The following EFHC2 variants were observed in gnomAD, a reference collection of about 807,000 sequenced individuals.
The protein encoded by EFHC2 is EF-hand domain-containing family member C2.
In EFHC2, 18 loss-of-function variants were observed where a neutral mutation model predicts 52.7. That is an observed-to-expected ratio of 0.34 (90% CI 0.24 to 0.51). The LOEUF (loss-of-function observed/expected upper bound fraction) is 0.51. Ranked by LOEUF, EFHC2 falls within the 20% of genes least tolerant of loss-of-function variation. EFHC2 has a pLI of 0.97. For synonymous variants in EFHC2, 203 were observed against 204.1 expected (o/e 0.99, Z 0.04); for missense variants, 513 against 562.5 (o/e 0.91, Z 0.89).
At chrX:44,273,342 AC>A (rs1224208782) in intron 2 of EFHC2, among the ~76,000 whole-genome samples, 1 of 104,700 alleles carries the variant, frequency 9.6e-6, no homozygotes, top group Non-Finnish European at 1.9e-5. Flanking sequence ...TGGAGACCCC[AC>A]CTTACACTTC....
At chrX:44,303,240 G>A (rs1235899958) in intron 2 of EFHC2, among the ~76,000 whole-genome samples, 3 of 111,145 alleles carry the variant, frequency 2.7e-5, no homozygotes, top group Non-Finnish European at 5.7e-5. Context: ...CTCTGTGACC[G>A]TGACGGATCA....
intron 7 of EFHC2, among the ~76,000 whole-genome samples, chrX:44,244,662 T>C (rs1029225761): frequency 8.0e-5 from 9 of 111,920 alleles, no homozygotes; most frequent in African/African-American, 2.9e-4. Context: ...TTAATGCTTC[T>C]TCGTGGTGAT....
chrX:44,203,015 A>G (rs1301154477), intron 11 of EFHC2, among the ~76,000 whole-genome samples: 2 of 111,407 alleles, frequency 1.8e-5, no homozygotes, highest in Non-Finnish European at 3.8e-5. Flanking sequence ...CCAGGGCCCC[A>G]TGAGCATGCA....
chrX:44,231,640 T>C (rs2037278355), intron 10 of EFHC2, among the ~76,000 whole-genome samples: 2 of 111,428 alleles, frequency 1.8e-5, no homozygotes, highest in African/African-American at 6.5e-5. Flanking sequence ...ATATGAATGA[T>C]GTGATGTACA....
chrX:44,168,139 G>A (rs2036711706), intron 13 of EFHC2, among the ~76,000 whole-genome samples: 1 of 111,352 alleles, frequency 9.0e-6, no homozygotes, highest in Admixed American at 9.5e-5. Flanking sequence ...AGTCGATTTG[G>A]CCCACAAAAT....
intron 13 of EFHC2, among the ~76,000 whole-genome samples, chrX:44,168,437 CAGG>C: frequency 9.1e-6 from 1 of 109,969 alleles, no homozygotes; most frequent in Non-Finnish European, 1.9e-5. Flanking sequence ...GAGGCTGAGG[CAGG>C]AGAATGGCGT....
intron 11 of EFHC2, among the ~76,000 whole-genome samples, chrX:44,195,314 T>C (rs2036955841): frequency 8.9e-6 from 1 of 111,817 alleles, no homozygotes; most frequent in African/African-American, 3.2e-5. Flanking sequence ...TGAAGGAGAA[T>C]GACAGACATA....
chrX:44,250,407 G>A lies in EFHC2; in HGVS notation c.645C>T (p.Ser215=), dbSNP rs768681960. 1.7e-6 allele frequency: 2 copies of A among 1,208,748 alleles called. No homozygotes were observed. Among genetic ancestry groups the A allele is most frequent in the Middle Eastern group, 2.3e-4 (1 of 4,337 alleles). The part of the protein sequence containing the change: ...EHVEPLRPYE[S]LDTLKQFLQY... The stretch of plus-strand genomic sequence containing the variant: ...GGAGGAACTGTTTCAGGGTGTCGAG[G>A]GATTCGTAGGGACGTAAGGGCTCTA... Residue 215 remains serine (S), a synonymous_variant, in exon 5 of 15, where the codon TCC becomes TCT. Transcript: ENST00000420999.
At chrX:44,231,989 C>T (rs2037281785) in intron 10 of EFHC2, among the ~76,000 whole-genome samples, 1 of 111,578 alleles carries the variant, frequency 9.0e-6, no homozygotes, top group Non-Finnish European at 1.9e-5. Flanking sequence ...ATCCTTAAAT[C>T]CTTATTTAGG....
At chrX:44,161,264 T>G (rs1012146102) in intron 14 of EFHC2, among the ~76,000 whole-genome samples, 1 of 111,752 alleles carries the variant, frequency 8.9e-6, no homozygotes, top group African/African-American at 3.3e-5. Context: ...ATACAAACTG[T>G]GGAAATCGAG....
At chrX:44,303,593 T>A (rs1037720587) in intron 2 of EFHC2, among the ~76,000 whole-genome samples, 1 of 109,226 alleles carries the variant, frequency 9.2e-6, no homozygotes, top group Non-Finnish European at 1.9e-5. Flanking sequence ...GTATGTTTTT[T>A]CCCTTGCTGC....
rs34983921 is a variant in EFHC2 at position 44,184,723 on chromosome X, CAAAAAAAAA to C, written c.1752-6168_1752-6160del. On this transcript the variant is annotated intron_variant, in intron 11 of 14. Coordinates refer to ENST00000420999, the MANE Select transcript of EFHC2 (RefSeq NM_025184.4). Reference sequence around the variant, plus strand: ...GGGCAATAAGAGCAAAATTCCATCTCAAAAAAAAAAAAAAAAAAAAAGTGTGACCCCTTC... The same window carrying C: ...GGGCAATAAGAGCAAAATTCCATCTCAAAAAAAAAAAAGTGTGACCCCTTC... Among the ~76,000 whole-genome samples, 9 of 46,194 alleles carry C rather than the reference CAAAAAAAAA, an allele frequency of 1.9e-4. No individual in the cohort carries two copies. The South Asian group carries it at 0.012, about 60-fold the overall frequency. The allele number at this position is 46,194 out of a possible 115,157, so 40.1% of individuals were successfully genotyped here. A position where few individuals can be genotyped will look rare whatever the true frequency, so the allele number is the denominator to read the frequency against.
intron 12 of EFHC2, among the ~76,000 whole-genome samples, chrX:44,176,602 G>A (rs1383891230): frequency 8.9e-6 from 1 of 112,041 alleles, no homozygotes; most frequent in Admixed American, 9.4e-5. Flanking sequence ...CCTTACAAAG[G>A]CTTTTCCTTC....
At chrX:44,172,277 G>A (rs757454715) in intron 13 of EFHC2, among the ~76,000 whole-genome samples, 29 of 111,979 alleles carry the variant, frequency 2.6e-4, no homozygotes, top group African/African-American at 9.4e-4. Context: ...ACAATTAGGG[G>A]AGAAGGCTGC....
intron 11 of EFHC2, among the ~76,000 whole-genome samples, chrX:44,227,031 C>CA (rs958071320): frequency 5.7e-4 from 60 of 105,317 alleles, no homozygotes; most frequent in South Asian, 2.5e-3. Context: ...AAACACTAAA[C>CA]AAAAAAAAAA....
intron 3 of EFHC2, among the ~76,000 whole-genome samples, chrX:44,265,648 A>G (rs1387730693): frequency 9.0e-6 from 1 of 111,690 alleles, no homozygotes; most frequent in Non-Finnish European, 1.9e-5. Flanking sequence ...CTAAAGGCAG[A>G]TATTTCTTAG....
At position 44,332,107 on chromosome X, in the gene EFHC2, G is replaced by GCT. The variant is rs1467962190; in HGVS notation, c.42+11438_42+11439dup. Among the ~76,000 whole-genome samples the GCT allele has an allele frequency of 5.5e-5, 6 of 109,778 alleles. No individual in the cohort carries two copies. In the Admixed American group the frequency reaches 5.9e-4, roughly 11 times the overall value. On this transcript the variant is annotated intron_variant, in intron 1 of 14. Transcript: ENST00000420999. ...CCACGTTCCTTAGTCACTAGGAGAG[G>GCT]CTCTACTCACGTGCCTTTTATAAAG... is the stretch of plus-strand genomic sequence containing the variant.
intron 2 of EFHC2, among the ~76,000 whole-genome samples, chrX:44,283,251 C>T (rs1466775844): frequency 8.9e-6 from 1 of 111,787 alleles, no homozygotes; most frequent in Non-Finnish European, 1.9e-5. Context: ...GGTACGATCT[C>T]AGCTCACTGC....
intron 11 of EFHC2, among the ~76,000 whole-genome samples, chrX:44,197,348 G>A (rs910706349): frequency 3.6e-5 from 4 of 111,317 alleles, no homozygotes; most frequent in African/African-American, 9.8e-5. Flanking sequence ...CATGCATGTG[G>A]GAATAAAAAG....
Sources: allele counts gnomAD v4.1 joint callset (sites outside exome capture counted in the v4.1 genomes callset), GRCh38; gene constraint gnomAD v4.1.1; transcripts MANE v1.5; gene names NCBI Gene and HGNC (gene_info 2026-07-23, HGNC 2026-07-21).